Variants in CDCP1 observed in about 807,000 individuals in gnomAD.
CDCP1 encodes CUB domain-containing protein 1.
In CDCP1, 29 loss-of-function variants were observed where a neutral mutation model predicts 60.2. That is an observed-to-expected ratio of 0.48 (90% confidence interval 0.36 to 0.66). The LOEUF (loss-of-function observed/expected upper bound fraction) is 0.66, where lower values mean the gene tolerates loss of function less well. Ranked by LOEUF, CDCP1 falls within the 30% of genes least tolerant of loss-of-function variation. The pLI is 0.00. For synonymous variants in CDCP1, 387 were observed against 431.1 expected, an observed-to-expected ratio of 0.90 and a Z score of 1.27; for missense variants, 876 against 1,074.3, an observed-to-expected ratio of 0.82 and a Z score of 2.58.
chr3:45,129,853 A>G (rs1699057758), intron 1 of CDCP1, among the ~76,000 whole-genome samples: 1 of 152,186 alleles, frequency 6.6e-6, no homozygotes, highest in Admixed American at 6.5e-5. Flanking sequence ...GTTAAACAAA[A>G]ATCCACACAC....
chr3:45,124,977 G>C (rs1698952957), intron 1 of CDCP1, among the ~76,000 whole-genome samples: 1 of 152,114 alleles, frequency 6.6e-6, no homozygotes, highest in Non-Finnish European at 1.5e-5. Flanking sequence ...AGTAATTTTA[G>C]GACACCAGGG....
chr3:45,126,121 T>C (rs1180382413), intron 1 of CDCP1, among the ~76,000 whole-genome samples: 2 of 117,616 alleles, frequency 1.7e-5, no homozygotes, highest in Non-Finnish European at 3.4e-5. Context: ...TTTCTTTCTT[T>C]CTTTCTTTCT....
chr3:45,108,671 C>A (rs1349667948), intron 4 of CDCP1, among the ~76,000 whole-genome samples: 1 of 149,174 alleles, frequency 6.7e-6, no homozygotes, highest in African/African-American at 2.5e-5. Context: ...TGGATACACA[C>A]ACACACACAC....
At chr3:45,095,717 C>T (rs1433842186) in intron 4 of CDCP1, 149 bp from the exon 5 acceptor site, 1 of 625,870 alleles carries the variant, frequency 1.6e-6, no homozygotes, top group Non-Finnish European at 2.8e-6. Flanking sequence ...ATTAAGGCAA[C>T]ATTACAATAA....
At chr3:45,095,636 G>C in intron 4 of CDCP1, 68 bp from the exon 5 acceptor site, 1 of 1,348,408 alleles carries the variant, frequency 7.4e-7, no homozygotes, top group Non-Finnish European at 1.1e-6. Flanking sequence ...GGCAAAAATT[G>C]GTAGAAAACC....
intron 1 of CDCP1, among the ~76,000 whole-genome samples, chr3:45,136,005 T>C (rs1467502690): frequency 5.3e-5 from 8 of 152,172 alleles, no homozygotes; most frequent in Non-Finnish European, 1.2e-4. Context: ...CTGGTTTACA[T>C]GTTTCAATCC....
chr3:45,135,859 T>C (rs1183120248), intron 1 of CDCP1, among the ~76,000 whole-genome samples: 1 of 152,168 alleles, frequency 6.6e-6, no homozygotes. Flanking sequence ...AACCCAAATA[T>C]GAAAGGCAAC....
chr3:45,113,871 G>C (rs1388334372), intron 2 of CDCP1, among the ~76,000 whole-genome samples: 1 of 152,192 alleles, frequency 6.6e-6, no homozygotes, highest in Non-Finnish European at 1.5e-5. Context: ...AAACTTCAAT[G>C]TTTATATCAA....
intron 1 of CDCP1, among the ~76,000 whole-genome samples, chr3:45,122,653 C>A (rs1267885403): frequency 6.6e-6 from 1 of 151,876 alleles, no homozygotes; most frequent in Non-Finnish European, 1.5e-5. Flanking sequence ...GGGGTTTCAC[C>A]ATGTTGGCTG....
intron 4 of CDCP1, among the ~76,000 whole-genome samples, chr3:45,104,396 C>T (rs962391632): frequency 2.6e-5 from 4 of 152,236 alleles, no homozygotes; most frequent in African/African-American, 7.2e-5. Context: ...CAGTTAATTT[C>T]CCTGCTGCCT....
At chr3:45,129,977 G>A (rs919603020) in intron 1 of CDCP1, among the ~76,000 whole-genome samples, 1 of 151,974 alleles carries the variant, frequency 6.6e-6, no homozygotes, top group Admixed American at 6.6e-5. Flanking sequence ...TGATTAGAAA[G>A]GGGTAAGAGA....
Position 45,118,338 on chromosome 3 carries a change from C to T in CDCP1, c.292+74G>A, listed in dbSNP as rs1413121396. 1.1e-5 allele frequency: 12 copies of T among 1,114,286 alleles called. No homozygotes were observed. In the East Asian group the frequency reaches 2.8e-4, roughly 26 times the overall value. The allele number at this position is 1,114,286 out of a possible 1,614,324, so 69.0% of individuals were successfully genotyped here. ...TCTCTAGCATTAGAGACTGACTTAG[C>T]ATGGGAAAGACAGTCAGGGAGGTGT... is the stretch of plus-strand genomic sequence containing the variant. On this transcript the variant is annotated intron_variant, in intron 2 of 8. Coordinates refer to ENST00000296129, the MANE Select transcript of CDCP1 (RefSeq NM_022842.5).
chr3:45,142,977 C>T (rs1316014515), intron 1 of CDCP1, among the ~76,000 whole-genome samples: 1 of 152,190 alleles, frequency 6.6e-6, no homozygotes, highest in African/African-American at 2.4e-5. Flanking sequence ...CCGAGGCGGG[C>T]AGATCACCTG....
At position 45,110,608 on chromosome 3, in the gene CDCP1, G is replaced by T; in HGVS notation, c.889C>A (p.Leu297Met). 6.2e-7 allele frequency: 1 copy of T among 1,614,200 alleles called. No individual in the cohort carries two copies. Residue 297 changes from leucine to methionine, a missense_variant, in exon 4 of 9, where the codon CTG (leucine) becomes ATG (methionine). Physicochemically the swap from Leu to Met is conservative, Grantham distance 15. Around this residue, in one of 2 missense-constraint regions of CDCP1, gnomAD observed 726 missense variants for 935.7 expected, o/e 0.78. Coordinates refer to ENST00000296129, the MANE Select transcript of CDCP1 (RefSeq NM_022842.5). Reference protein sequence around the residue: ...GSTTNPEVFKLEDKQPGNMAG... With the variant: ...GSTTNPEVFKMEDKQPGNMAG... ...ATGTTCCCAGGCTGCTTGTCCTCCA[G>T]CTTGAACACCTCGGGGTTGGTGGTG...
At chr3:45,133,455 A>G in intron 1 of CDCP1, among the ~76,000 whole-genome samples, 2 of 122,220 alleles carry the variant, frequency 1.6e-5, no homozygotes, top group Non-Finnish European at 3.4e-5. Flanking sequence ...ATGGTGGCTC[A>G]CGCCTGTAAT....
intron 4 of CDCP1, among the ~76,000 whole-genome samples, chr3:45,106,337 G>A (rs985750308): frequency 2.6e-5 from 4 of 152,142 alleles, no homozygotes; most frequent in Non-Finnish European, 5.9e-5. Flanking sequence ...ACTTTGGTTT[G>A]AGAAGGTCTC....
chr3:45,088,197 C>T (rs1314853840), intron 8 of CDCP1, among the ~76,000 whole-genome samples: 4 of 152,136 alleles, frequency 2.6e-5, no homozygotes, highest in Admixed American at 2.0e-4. Context: ...AAAATAGAAG[C>T]TCAGCCAGGT....
chr3:45,107,457 C>T (rs1035487627), intron 4 of CDCP1, among the ~76,000 whole-genome samples: 4 of 152,088 alleles, frequency 2.6e-5, no homozygotes, highest in Non-Finnish European at 5.9e-5. Context: ...CTTCCCACCT[C>T]GGCCTCTGAA....
Position 45,093,641 on chromosome 3 carries a change from C to T in CDCP1, c.1263G>A (p.Arg421=), listed in dbSNP as rs1305528673. Residue 421 remains arginine, a synonymous_variant, in exon 6 of 9, where the codon CGG becomes CGA. Transcript: ENST00000296129. ...VEKTISCTDH[R]YCQRKSYSLQ... ...GTGAGTAGGATTTCCTTTGGCAGTA[C>T]CGGTGGTCTGTGCAGCCTGGAAGAA... 1.2e-6 allele frequency: 2 copies of T among 1,612,452 alleles called. No individual in the cohort carries two copies. The highest frequency in any genetic ancestry group is 1.7e-5 in the Admixed American group (1 of 59,968).
Sources: gnomAD v4.1 joint callset for allele counts (sites outside exome capture counted in the v4.1 genomes callset) on GRCh38, gnomAD v4.1.1 for gene constraint, gnomAD v4.1.1 regional missense constraint, MANE v1.5 for transcripts, NCBI Gene and HGNC (gene_info 2026-07-23, HGNC 2026-07-21) for gene names.